The following SLC4A4 variants were observed in gnomAD, a reference collection of about 807,000 sequenced individuals.
SLC4A4 encodes the protein electrogenic sodium bicarbonate cotransporter 1.
Under a neutral mutation model 111.5 loss-of-function variants are expected in SLC4A4, and 27 were observed. That is an observed-to-expected ratio of 0.24 (90% confidence interval 0.18 to 0.33). The LOEUF is 0.33. Among genes scored for constraint, SLC4A4 ranks in the 10% least tolerant of loss-of-function variants. The pLI, the probability that SLC4A4 is intolerant of heterozygous loss-of-function variation, is 1.00. For missense variants in SLC4A4, 909 were observed against 1,315.5 expected (o/e 0.69, Z 4.78); for synonymous variants, 443 against 463.4 (o/e 0.96, Z 0.57).
intron 15 of SLC4A4, among the ~76,000 whole-genome samples, chr4:71,492,656 G>T (rs1730042146): frequency 6.6e-6 from 1 of 151,894 alleles, no homozygotes; most frequent in Non-Finnish European, 1.5e-5. Flanking sequence ...TGCTCTTGAT[G>T]TCTCTCTCTC....
intron 2 of SLC4A4, among the ~76,000 whole-genome samples, chr4:71,137,807 C>T (rs1313432025): frequency 6.6e-6 from 1 of 151,986 alleles, no homozygotes. Context: ...ACGTTTTTTT[C>T]GTTTCTCGCT....
At chr4:71,151,248 G>C (rs1382016151) in intron 2 of SLC4A4, among the ~76,000 whole-genome samples, 5 of 152,160 alleles carry the variant, frequency 3.3e-5, no homozygotes, top group Non-Finnish European at 1.5e-5. Context: ...AACATTTGTT[G>C]TGTGTTTAAC....
At chr4:71,390,002 G>C (rs1350770553) in intron 6 of SLC4A4, among the ~76,000 whole-genome samples, 2 of 152,162 alleles carry the variant, frequency 1.3e-5, no homozygotes, top group South Asian at 4.1e-4. Context: ...CTGATGATAT[G>C]TTTATAATAA....
intron 2 of SLC4A4, among the ~76,000 whole-genome samples, chr4:71,093,035 C>G (rs559073465): frequency 5.3e-4 from 79 of 148,808 alleles, no homozygotes; most frequent in Non-Finnish European, 1.2e-4. Context: ...GCGGAGGTTG[C>G]AGTGAACCGA....
chr4:71,501,061 A>G (rs1730877107), intron 16 of SLC4A4, among the ~76,000 whole-genome samples: 2 of 152,200 alleles, frequency 1.3e-5, no homozygotes, highest in Admixed American at 1.3e-4. Context: ...GGACTTTTTA[A>G]TAATACCAAT....
chr4:71,374,083 G>T (rs1287462789), intron 6 of SLC4A4, among the ~76,000 whole-genome samples: 3 of 152,104 alleles, frequency 2.0e-5, no homozygotes, highest in African/African-American at 7.2e-5. Context: ...TTCCTGCTTT[G>T]TTATCACACT....
At chr4:71,505,444 T>C (rs1731330431) in intron 16 of SLC4A4, among the ~76,000 whole-genome samples, 2 of 151,972 alleles carry the variant, frequency 1.3e-5, no homozygotes, top group South Asian at 4.1e-4. Flanking sequence ...TCTGTAATGA[T>C]TAGTAATGTT....
intron 4 of SLC4A4, among the ~76,000 whole-genome samples, chr4:71,342,279 A>G (rs1728960271): frequency 6.6e-6 from 1 of 152,194 alleles, no homozygotes; most frequent in Non-Finnish European, 1.5e-5. Flanking sequence ...AACATCCTCC[A>G]AAAGAAGGCT....
At chr4:71,141,053 A>G (rs905776388) in intron 2 of SLC4A4, among the ~76,000 whole-genome samples, 16 of 152,178 alleles carry the variant, frequency 1.1e-4, no homozygotes, top group African/African-American at 3.6e-4. Flanking sequence ...GAAATGTATG[A>G]TATTCTATTA....
intron 3 of SLC4A4, among the ~76,000 whole-genome samples, chr4:71,272,916 T>A (rs1315473765): frequency 1.3e-5 from 2 of 152,212 alleles, no homozygotes; most frequent in Admixed American, 6.5e-5. Context: ...ATAATAATTT[T>A]AGTTTAGAAT....
intron 6 of SLC4A4, among the ~76,000 whole-genome samples, chr4:71,365,541 G>A (rs1179599819): frequency 1.3e-5 from 2 of 152,070 alleles, no homozygotes; most frequent in Non-Finnish European, 2.9e-5. Flanking sequence ...TTTAAAGGAG[G>A]GGATAAATTA....
intron 1 of SLC4A4, among the ~76,000 whole-genome samples, chr4:71,066,525 T>C (rs1741520759): frequency 6.6e-6 from 1 of 152,110 alleles, no homozygotes; most frequent in Admixed American, 6.6e-5. Flanking sequence ...ATTTAGAAAA[T>C]AAGAAGTTTT....
intron 2 of SLC4A4, among the ~76,000 whole-genome samples, chr4:71,134,774 C>T (rs1189339452): frequency 1.3e-5 from 2 of 152,198 alleles, no homozygotes; most frequent in African/African-American, 4.8e-5. Context: ...CTGTACTAGT[C>T]CACAGGCTGA....
intron 16 of SLC4A4, among the ~76,000 whole-genome samples, chr4:71,531,834 G>A (rs1269977803): frequency 3.3e-5 from 5 of 149,922 alleles, no homozygotes; most frequent in African/African-American, 1.2e-4. Flanking sequence ...GAGAAAGAGC[G>A]AGCGCAACCT....
intron 6 of SLC4A4, among the ~76,000 whole-genome samples, chr4:71,376,152 T>TACACACAC (rs1469538400): frequency 3.6e-5 from 2 of 55,720 alleles, no homozygotes; most frequent in Non-Finnish European, 7.1e-5. Context: ...TATACCTGTA[T>TACACACAC]ATATACACAC....
Position 71,546,548 on chromosome 4 carries a change from A to T in SLC4A4, c.2621+20A>T. 1.2e-6 allele frequency: 2 copies of T among 1,608,340 alleles called. No individual in the cohort carries two copies. Among genetic ancestry groups the T allele is most frequent in the African/African-American group, 2.7e-5 (2 of 74,878 alleles). On this transcript the variant is annotated intron_variant, in intron 19 of 25. Coordinates refer to ENST00000264485, the MANE Select transcript of SLC4A4 (RefSeq NM_001098484.3). ...AGTGAGGTGTGTTAACTCAGAGGAA[A>T]ATGGCTCCCGAAAACACACTGTGCA...
At chr4:71,149,636 C>T (rs919357864) in intron 2 of SLC4A4, among the ~76,000 whole-genome samples, 1 of 152,156 alleles carries the variant, frequency 6.6e-6, no homozygotes, top group African/African-American at 2.4e-5. Context: ...TGTTAGGCAT[C>T]AGTCACATGT....
intron 2 of SLC4A4, among the ~76,000 whole-genome samples, chr4:71,135,278 G>A (rs1434570345): frequency 6.7e-6 from 1 of 148,234 alleles, no homozygotes; most frequent in Non-Finnish European, 1.5e-5. Flanking sequence ...AATTTTTGTG[G>A]TAAGAACACA....
chr4:71,414,451 A>G (rs1207477437), intron 7 of SLC4A4, among the ~76,000 whole-genome samples: 1 of 152,266 alleles, frequency 6.6e-6, no homozygotes, highest in Non-Finnish European at 1.5e-5. Flanking sequence ...CATTCTGCAT[A>G]AGTGTTTGTC....
Sources: allele counts gnomAD v4.1 joint callset (sites outside exome capture counted in the v4.1 genomes callset), GRCh38; gene constraint gnomAD v4.1.1; transcripts MANE v1.5; gene names NCBI Gene and HGNC (gene_info 2026-07-23, HGNC 2026-07-21).